Variants in UTS2B observed in about 807,000 individuals in gnomAD.
UTS2B encodes the protein urotensin-2B.
UTS2B carries 21 observed loss-of-function variants against 19.2 expected under a neutral mutation model. The ratio of observed to expected loss-of-function variants is 1.09; its 90% confidence interval spans 0.78 to 1.58. The LOEUF is 1.58. Ranked by LOEUF, UTS2B falls within the 40% of genes most tolerant of loss-of-function variation. The probability of loss-of-function intolerance (pLI) is 0.00; values close to 1 mark genes in which losing one functional copy is unlikely to be tolerated. For missense variants in UTS2B, 138 were observed against 130.3 expected, an observed-to-expected ratio of 1.06 and a Z score of -0.29; for synonymous variants, 57 against 50.2, an observed-to-expected ratio of 1.14 and a Z score of -0.58.
Position 191,278,155 on chromosome 3 carries a change from G to A in UTS2B, c.119C>T (p.Pro40Leu). 1 of 1,530,600 alleles carries A rather than the reference G, an allele frequency of 6.5e-7. No homozygotes were observed. The highest frequency in any genetic ancestry group is 8.8e-7 in the Non-Finnish European group (1 of 1,136,634). The allele number at this position is 1,530,600 out of a possible 1,614,324, so 94.8% of individuals were successfully genotyped here. Residue 40 changes from proline (P) to leucine (L), a missense_variant, in exon 6 of 9, where the codon CCA becomes CTA. Physicochemically the swap from Pro to Leu is moderately conservative, Grantham distance 98. Transcript: ENST00000340524. ...PYLTQGNEIF[P>L]DKKYTNREEL... is the part of the protein sequence containing the mutation. ...CTCACGATTTGTATATTTTTTATCT[G>A]GAAATATTTCATTTCCTATAATGAT... is the stretch of plus-strand genomic sequence containing the variant.
rs1715996580 is a variant in UTS2B, at chr3:191,268,297, A to G, written c.*119T>C. The G allele has an allele frequency of 6.8e-6, 5 of 737,948 alleles. No individual in the cohort carries two copies. Among genetic ancestry groups the G allele is most frequent in the Admixed American group, 6.6e-5 (2 of 30,490 alleles). 45.7% of individuals were successfully genotyped at this position (737,948 alleles called of 1,614,324 possible). ...ATGCAATTTTGTATTTACAATAATC[A>G]GGAGCATTTCATCTTTTATTCCACA... On this transcript the variant is annotated 3_prime_UTR_variant, in exon 9 of 9. Coordinates refer to ENST00000340524, the MANE Select transcript of UTS2B (RefSeq NM_198152.5).
intron 8 of UTS2B, among the ~76,000 whole-genome samples, chr3:191,269,514 T>C (rs111935740): frequency 2.0e-5 from 3 of 151,924 alleles, no homozygotes; most frequent in Non-Finnish European, 4.4e-5. Context: ...TTTTTTTTTT[T>C]TCTTTTTAAA....
chr3:191,313,017 G>GTT (rs34512583), intron 3 of UTS2B, among the ~76,000 whole-genome samples: 15 of 143,896 alleles, frequency 1.0e-4, no homozygotes, highest in Admixed American at 1.4e-4. Context: ...TGTCAAACAG[G>GTT]TTTTTTTTTT....
At chr3:191,297,680 A>T (rs928139125) in intron 4 of UTS2B, among the ~76,000 whole-genome samples, 2 of 152,212 alleles carry the variant, frequency 1.3e-5, no homozygotes, top group Non-Finnish European at 2.9e-5. Context: ...ATTGCACTAC[A>T]CAACTTCTAG....
At chr3:191,270,795 C>T (rs938154848) in intron 8 of UTS2B, among the ~76,000 whole-genome samples, 1 of 152,104 alleles carries the variant, frequency 6.6e-6, no homozygotes, top group African/African-American at 2.4e-5. Context: ...CCCATAGACC[C>T]ATAGAGAGTT....
At chr3:191,298,566 T>C (rs993113653) in intron 4 of UTS2B, among the ~76,000 whole-genome samples, 1 of 152,228 alleles carries the variant, frequency 6.6e-6, no homozygotes, top group Non-Finnish European at 1.5e-5. Context: ...TTCAGAACTG[T>C]GAGCCAGTTA....
In UTS2B at chr3:191,268,307, C is replaced by A; in HGVS notation, c.*109G>T. The A allele has an allele frequency of 1.2e-6, 1 of 801,712 alleles. No individual in the cohort carries two copies. Among genetic ancestry groups the A allele is most frequent in the African/African-American group, 1.8e-5 (1 of 56,780 alleles). 49.7% of individuals were successfully genotyped at this position (801,712 alleles called of 1,614,324 possible). On this transcript the variant is annotated 3_prime_UTR_variant, in exon 9 of 9. Coordinates refer to ENST00000340524, the MANE Select transcript of UTS2B (RefSeq NM_198152.5). ...GTATTTACAATAATCAGGAGCATTT[C>A]ATCTTTTATTCCACAGCAATAGTTT... is the stretch of plus-strand genomic sequence containing the variant.
chr3:191,297,193 G>C (rs1334482715), intron 4 of UTS2B, among the ~76,000 whole-genome samples: 1 of 152,122 alleles, frequency 6.6e-6, no homozygotes, highest in East Asian at 1.9e-4. Flanking sequence ...CTGACTCATA[G>C]AGTAATATTA....
chr3:191,309,231 G>A (rs904556473), intron 3 of UTS2B, among the ~76,000 whole-genome samples: 1 of 151,940 alleles, frequency 6.6e-6, no homozygotes, highest in Non-Finnish European at 1.5e-5. Flanking sequence ...GTGCCATCTC[G>A]GCTCACTGCA....
chr3:191,287,264 T>C lies in UTS2B; in HGVS notation c.-124-4951A>G, dbSNP rs76957209. ...TACTTCCAAACTTATGAGGCCAGGATTACTCTGATACCAAAGCCAGATAAA... is the reference window on the plus strand; with the variant it reads ...TACTTCCAAACTTATGAGGCCAGGACTACTCTGATACCAAAGCCAGATAAA... On this transcript the variant is annotated intron_variant, in intron 4 of 8. Transcript: ENST00000340524. Among the ~76,000 whole-genome samples the C allele has an allele frequency of 9.9e-5, 15 of 152,238 alleles. No individual in the cohort carries two copies. In the East Asian group the frequency reaches 2.1e-3, roughly 22 times the overall value.
At chr3:191,338,985 T>G in the UTS2B span, among the ~76,000 whole-genome samples, 1 of 152,216 alleles carries the variant, frequency 6.6e-6, no homozygotes, top group African/African-American at 2.4e-5. Flanking sequence ...AATTTTTATG[T>G]GTGCTATTTT....
At chr3:191,305,147 A>G (rs780334123) in intron 3 of UTS2B, among the ~76,000 whole-genome samples, 6 of 152,184 alleles carry the variant, frequency 3.9e-5, no homozygotes, top group Non-Finnish European at 5.9e-5. Flanking sequence ...ATGTGTCTAT[A>G]TAACAGAATG....
chr3:191,324,352 G>A (rs1717687322), intron 2 of UTS2B, among the ~76,000 whole-genome samples: 2 of 152,206 alleles, frequency 1.3e-5, no homozygotes, highest in African/African-American at 4.8e-5. Context: ...ACTGAAAATA[G>A]AGTAAGACAG....
intron 3 of UTS2B, among the ~76,000 whole-genome samples, chr3:191,307,505 T>A (rs1372115765): frequency 6.6e-6 from 1 of 152,210 alleles, no homozygotes; most frequent in Non-Finnish European, 1.5e-5. Context: ...TTGGCTGCAG[T>A]CTCATGTATA....
At chr3:191,334,574 C>A (rs1718083168), upstream of UTS2B, among the ~76,000 whole-genome samples, 1 of 152,016 alleles carries the variant, frequency 6.6e-6, no homozygotes, top group Non-Finnish European at 1.5e-5. Flanking sequence ...ACCACTGAGG[C>A]TAAGTAGCTA....
chr3:191,335,020 G>A (rs568198006), upstream of UTS2B, among the ~76,000 whole-genome samples: 58 of 152,182 alleles, frequency 3.8e-4, no homozygotes, highest in Non-Finnish European at 7.6e-4. Flanking sequence ...ATTCTAAAGA[G>A]GCTAATATTT....
chr3:191,345,297 G>A, the UTS2B span, among the ~76,000 whole-genome samples: 2 of 152,230 alleles, frequency 1.3e-5, no homozygotes, highest in Admixed American at 1.3e-4. Context: ...GGAAGCTTAT[G>A]AGGTTGTCCA....
At chr3:191,315,232 C>G (rs147606004) in intron 3 of UTS2B, among the ~76,000 whole-genome samples, 2,697 of 152,194 alleles carry the variant, frequency 0.018, 65 homozygotes, top group African/African-American at 0.062. Flanking sequence ...AGGCTGGTCT[C>G]GAACTCCTGA....
At chr3:191,276,317 G>T (rs953080179) in intron 7 of UTS2B, among the ~76,000 whole-genome samples, 1 of 152,084 alleles carries the variant, frequency 6.6e-6, no homozygotes, top group Non-Finnish European at 1.5e-5. Flanking sequence ...CGGAGAAAAG[G>T]GTGTTACTAG....
Sources: allele counts gnomAD v4.1 joint callset (sites outside exome capture counted in the v4.1 genomes callset), GRCh38; gene constraint gnomAD v4.1.1; transcripts MANE v1.5; gene names NCBI Gene and HGNC (gene_info 2026-07-23, HGNC 2026-07-21).